DNAH7: variants seen among roughly 807,000 people sequenced by gnomAD.
DNAH7 encodes dynein axonemal heavy chain 7.
In DNAH7, 397 loss-of-function variants were observed where a neutral mutation model predicts 444.6. The ratio of observed to expected loss-of-function variants is 0.89; its 90% confidence interval spans 0.82 to 0.97. The LOEUF (loss-of-function observed/expected upper bound fraction) is 0.97. Ranked by LOEUF, DNAH7 falls within the 50% of genes least tolerant of loss-of-function variation. The pLI, the probability that DNAH7 is intolerant of heterozygous loss-of-function variation, is 0.00. For synonymous variants in DNAH7, 1,636 were observed against 1,624.4 expected, an observed-to-expected ratio of 1.01 and a Z score of -0.17; for missense variants, 4,902 against 4,800.8, an observed-to-expected ratio of 1.02 and a Z score of -0.62.
chr2:196,000,994 C>A lies in DNAH7; in HGVS notation c.1174-111G>T, dbSNP rs1237930896. 1.6e-5 allele frequency: 13 copies of A among 814,748 alleles called. No homozygotes were observed. The East Asian group carries it at 2.3e-4, about 15-fold the overall frequency. 50.5% of individuals were successfully genotyped at this position (814,748 alleles called of 1,614,324 possible). A position where few individuals can be genotyped will look rare whatever the true frequency, so the allele number is the denominator to read the frequency against. On this transcript the variant is annotated intron_variant, in intron 11 of 64. Transcript: ENST00000312428. ...GGGAACCCACACTTTCTCTTATGAC[C>A]CAGACAGCTAAGCCAAGGAGGAGCT...
intron 63 of DNAH7, among the ~76,000 whole-genome samples, chr2:195,752,367 TG>T (rs1398910861): frequency 6.6e-6 from 1 of 152,042 alleles, no homozygotes; most frequent in Non-Finnish European, 1.5e-5. Context: ...GAAGAGTTCC[TG>T]GGTTTCTGTC....
intron 54 of DNAH7, among the ~76,000 whole-genome samples, chr2:195,802,509 T>A (rs1696514722): frequency 6.6e-6 from 1 of 151,754 alleles, no homozygotes; most frequent in Non-Finnish European, 1.5e-5. Flanking sequence ...TCAAAAAAAT[T>A]TTTTTTAAGA....
At chr2:196,051,779 T>A (rs919814721) in intron 2 of DNAH7, among the ~76,000 whole-genome samples, 2 of 151,596 alleles carry the variant, frequency 1.3e-5, no homozygotes, top group African/African-American at 4.9e-5. Flanking sequence ...GAAAAAAAAA[T>A]AAATAAAAAA....
At position 195,888,830 on chromosome 2, in the gene DNAH7, G is replaced by A. The variant is rs1701853038; in HGVS notation, c.5198C>T (p.Pro1733Leu). Reference protein sequence around the residue: ...MSPQMNLIFEPMDLEVASPAT... With the variant: ...MSPQMNLIFELMDLEVASPAT... The stretch of plus-strand genomic sequence containing the variant: ...AGGGGAAGCAACTTCTAAATCCATT[G>A]GCTCAAAAATTAGATTCATTTGTGG... The change falls in exon 32 of 65, where the codon CCA becomes CTA. Residue 1733 changes from proline to leucine, a missense_variant. Transcript: ENST00000312428. The A allele has an allele frequency of 2.5e-6, 4 of 1,612,584 alleles. No homozygotes were observed. The highest frequency in any genetic ancestry group is 2.5e-6 in the Non-Finnish European group (3 of 1,179,534).
chr2:195,943,987 C>A (rs1689636343), intron 19 of DNAH7, among the ~76,000 whole-genome samples: 1 of 152,092 alleles, frequency 6.6e-6, no homozygotes, highest in Admixed American at 6.6e-5. Flanking sequence ...TCCTTACATA[C>A]CTCTTCCCCA....
chr2:195,757,179 G>A (rs1003345588), intron 61 of DNAH7, among the ~76,000 whole-genome samples: 2 of 152,212 alleles, frequency 1.3e-5, no homozygotes, highest in East Asian at 1.9e-4. Context: ...TTGGCTACTC[G>A]CTACCTATTA....
At chr2:195,856,076 T>C (rs1173526203) in intron 44 of DNAH7, 85 bp from the exon 45 acceptor site, 35 of 1,236,582 alleles carry the variant, frequency 2.8e-5, no homozygotes, top group Non-Finnish European at 3.5e-5. Flanking sequence ...TCTAATACCC[T>C]TACTATAACT....
intron 40 of DNAH7, among the ~76,000 whole-genome samples, chr2:195,868,706 T>C (rs561178716): frequency 1.3e-5 from 2 of 151,272 alleles, no homozygotes; most frequent in Non-Finnish European, 2.9e-5. Flanking sequence ...TTAATTTTGA[T>C]GAAACATATT....
At chr2:195,858,852 T>C (rs1699867656) in intron 42 of DNAH7, 48 bp from the exon 43 acceptor site, 1 of 1,476,272 alleles carries the variant, frequency 6.8e-7, no homozygotes, top group Non-Finnish European at 9.1e-7. Context: ...CTCTGTATCC[T>C]ACATGAAGGA....
chr2:196,027,472 T>C (rs1418237907), intron 6 of DNAH7, among the ~76,000 whole-genome samples: 2 of 152,004 alleles, frequency 1.3e-5, no homozygotes, highest in Non-Finnish European at 2.9e-5. Context: ...AATGAACATT[T>C]AACTTCAATA....
Position 196,062,890 on chromosome 2 carries a change from T to G in DNAH7, c.16-4774A>C, listed in dbSNP as rs376268973. On this transcript the variant is annotated intron_variant, in intron 1 of 64. Coordinates refer to ENST00000312428, the MANE Select transcript of DNAH7 (RefSeq NM_018897.3). Reference sequence around the variant, plus strand: ...TGGCAGCATGGTTTTGTTTTTGTTTTTTGTTTGTTTGACACAGAGTCTCAT... The same window carrying G: ...TGGCAGCATGGTTTTGTTTTTGTTTGTTGTTTGTTTGACACAGAGTCTCAT... Among the ~76,000 whole-genome samples, 9 of 152,290 alleles carry G rather than the reference T, an allele frequency of 5.9e-5. 1 individual carries two copies. In the East Asian group the frequency reaches 9.6e-4, roughly 16 times the overall value.
chr2:195,822,605 T>A (rs1010228816), intron 49 of DNAH7, among the ~76,000 whole-genome samples: 1 of 152,068 alleles, frequency 6.6e-6, no homozygotes, highest in Non-Finnish European at 1.5e-5. Flanking sequence ...GTTTAATCAA[T>A]CCCAGCAATT....
Position 195,853,352 on chromosome 2 carries a change from G to C in DNAH7, c.8772C>G (p.Thr2924=), listed in dbSNP as rs1290868646. 6.2e-7 allele frequency: 1 copy of C among 1,613,884 alleles called. No homozygotes were observed. The highest frequency in any genetic ancestry group is 8.5e-7 in the Non-Finnish European group (1 of 1,179,900). The change falls in exon 46 of 65, where the codon ACC becomes ACG. Residue 2924 remains threonine, a synonymous_variant. Transcript: ENST00000312428. ...GAATAGTGTCCCTTACCTGTCTATAGGTGGATGTGAAGGCTCCGAGGTAAG... is the reference window on the plus strand; with the variant it reads ...GAATAGTGTCCCTTACCTGTCTATACGTGGATGTGAAGGCTCCGAGGTAAG... ...VVAYLGAFTS[T]YRQNQTKEWT... is the part of the protein sequence containing the mutation.
chr2:196,021,831 A>T (rs1695400205), intron 8 of DNAH7, among the ~76,000 whole-genome samples: 1 of 151,836 alleles, frequency 6.6e-6, no homozygotes, highest in Non-Finnish European at 1.5e-5. Flanking sequence ...AGAAAATTAC[A>T]AATGAAAAAA....
chr2:195,935,849 G>T (rs1308072131), intron 20 of DNAH7, among the ~76,000 whole-genome samples: 1 of 152,086 alleles, frequency 6.6e-6, no homozygotes, highest in African/African-American at 2.4e-5. Flanking sequence ...AGCATCCCAG[G>T]CAAGAGAACA....
intron 19 of DNAH7, among the ~76,000 whole-genome samples, chr2:195,950,914 G>GT (rs1440528325): frequency 4.2e-5 from 6 of 142,452 alleles, no homozygotes; most frequent in African/African-American, 1.3e-4. Context: ...TTTTTGACAG[G>GT]TTTTTTGTGT....
intron 29 of DNAH7, among the ~76,000 whole-genome samples, chr2:195,896,950 G>T (rs1019220937): frequency 6.6e-6 from 1 of 152,076 alleles, no homozygotes; most frequent in Non-Finnish European, 1.5e-5. Flanking sequence ...AGGAAAACTG[G>T]ATAACTATAT....
chr2:195,843,552 G>T (rs549786908), intron 47 of DNAH7, among the ~76,000 whole-genome samples: 1 of 152,102 alleles, frequency 6.6e-6, no homozygotes, highest in South Asian at 2.1e-4. Context: ...ATCAGAAAGC[G>T]TCAAACTTAA....
At chr2:195,857,808 A>C in intron 43 of DNAH7, 85 bp from the exon 44 acceptor site, 1 of 1,150,348 alleles carries the variant, frequency 8.7e-7, no homozygotes, top group South Asian at 1.7e-5. Context: ...AACTAAGCAT[A>C]CAGAAACTCA....
Sources: allele counts gnomAD v4.1 joint callset (sites outside exome capture counted in the v4.1 genomes callset), GRCh38; gene constraint gnomAD v4.1.1; transcripts MANE v1.5; gene names NCBI Gene and HGNC (gene_info 2026-07-23, HGNC 2026-07-21).